Variants in NEDD4L observed in about 807,000 individuals in gnomAD.
NEDD4L encodes E3 ubiquitin-protein ligase NEDD4-like.
Under a neutral mutation model 148.9 loss-of-function variants are expected in NEDD4L, and 54 were observed. The ratio of observed to expected loss-of-function variants is 0.36; its 90% CI spans 0.29 to 0.45. The LOEUF is 0.45. Among genes scored for constraint, NEDD4L ranks in the 20% least tolerant of loss-of-function variants. The pLI, the probability that NEDD4L is intolerant of heterozygous loss-of-function variation, is 1.00. For synonymous variants in NEDD4L, 433 were observed against 440.7 expected, an observed-to-expected ratio of 0.98 and a Z score of 0.22; for missense variants, 856 against 1,233.8, an observed-to-expected ratio of 0.69 and a Z score of 4.59.
intron 24 of NEDD4L, among the ~76,000 whole-genome samples, chr18:58,376,883 C>T (rs2047633811): frequency 1.3e-5 from 2 of 152,216 alleles, no homozygotes; most frequent in Non-Finnish European, 2.9e-5. Context: ...AAGCCCCTTC[C>T]TGCCTCAGGC....
chr18:58,077,710 C>T (rs982427493), intron 1 of NEDD4L, among the ~76,000 whole-genome samples: 3 of 152,158 alleles, frequency 2.0e-5, no homozygotes, highest in Non-Finnish European at 2.9e-5. Context: ...GAGCGCTTCC[C>T]GATTACTTCA....
intron 2 of NEDD4L, among the ~76,000 whole-genome samples, chr18:58,186,947 A>G (rs1445614334): frequency 6.6e-6 from 1 of 152,236 alleles, no homozygotes; most frequent in Non-Finnish European, 1.5e-5. Context: ...TGATCATTTA[A>G]TTAAGAATCT....
intron 1 of NEDD4L, among the ~76,000 whole-genome samples, chr18:58,080,946 G>T (rs148063526): frequency 1.5e-4 from 23 of 152,050 alleles, no homozygotes; most frequent in African/African-American, 5.6e-4. Flanking sequence ...TAGAGGGCTG[G>T]GGGGTATGAA....
rs2048528660 is a variant in NEDD4L at position 58,256,192 on chromosome 18, G to A, written c.297+4138G>A. On this transcript the variant is annotated intron_variant, in intron 5 of 30. Transcript: ENST00000400345. This position sits in a 1 kb window ranked among gnomAD's most constrained non-coding sequence, Gnocchi z 5.2. ...GCTCCGGCCCCGTGGACTGCGCGGA[G>A]GAGGCTGCCCCGGGCCTGCGCATCC... The A allele has an allele frequency of 6.6e-6, 8 of 1,218,198 alleles. No homozygotes were observed. Among genetic ancestry groups the A allele is most frequent in the Non-Finnish European group, 8.2e-6 (8 of 979,458 alleles). 75.5% of individuals were successfully genotyped at this position (1,218,198 alleles called of 1,614,324 possible).
intron 2 of NEDD4L, among the ~76,000 whole-genome samples, chr18:58,177,485 C>T (rs961618237): frequency 3.9e-5 from 6 of 152,166 alleles, no homozygotes; most frequent in Admixed American, 6.5e-5. Context: ...TGGCTGCCGG[C>T]GTCCCCACCC....
chr18:58,122,108 C>T (rs762297578), intron 1 of NEDD4L, among the ~76,000 whole-genome samples: 6 of 152,238 alleles, frequency 3.9e-5, no homozygotes, highest in Non-Finnish European at 8.8e-5. Flanking sequence ...CTTTGGCTTA[C>T]AGCTGCCATT....
At chr18:58,076,737 C>T (rs2083180493) in intron 1 of NEDD4L, among the ~76,000 whole-genome samples, 2 of 152,008 alleles carry the variant, frequency 1.3e-5, no homozygotes, top group African/African-American at 4.8e-5. Flanking sequence ...AGTTCCCCCA[C>T]CCCTAATGCT....
At chr18:58,351,767 G>T (rs1299292584) in intron 18 of NEDD4L, among the ~76,000 whole-genome samples, 2 of 152,132 alleles carry the variant, frequency 1.3e-5, no homozygotes, top group African/African-American at 4.8e-5. Flanking sequence ...TCAAATAGAT[G>T]TAAAGTTTCA....
chr18:58,282,020 G>A (rs1254918839), intron 5 of NEDD4L, among the ~76,000 whole-genome samples: 23 of 148,834 alleles, frequency 1.5e-4, no homozygotes, highest in Admixed American at 3.3e-4. Context: ...GTGAGACTCC[G>A]TCTCACAAAA....
intron 27 of NEDD4L, chr18:58,388,267 A>C (rs1485899181): frequency 3.3e-5 from 5 of 152,228 alleles, no homozygotes; most frequent in African/African-American, 1.2e-4. Context: ...TTTCCCATAC[A>C]CTGGCCTTCT....
At chr18:58,055,543 G>A (rs1598957693) in intron 1 of NEDD4L, among the ~76,000 whole-genome samples, 1 of 152,186 alleles carries the variant, frequency 6.6e-6, no homozygotes, top group Admixed American at 6.5e-5. Context: ...CACAAATACT[G>A]ATATAGTGTT....
At chr18:58,274,773 T>C (rs2051619021) in intron 5 of NEDD4L, among the ~76,000 whole-genome samples, 2 of 152,226 alleles carry the variant, frequency 1.3e-5, no homozygotes, top group African/African-American at 4.8e-5. Flanking sequence ...CTTAATTGTC[T>C]TCCTTGTCAA....
intron 24 of NEDD4L, among the ~76,000 whole-genome samples, chr18:58,374,288 G>T (rs1457418820): frequency 1.3e-5 from 2 of 152,170 alleles, no homozygotes; most frequent in Non-Finnish European, 2.9e-5. Flanking sequence ...GGAGAGTTCA[G>T]TCTCTAGTGT....
rs550930515 is a variant in NEDD4L, at chr18:58,385,593, C to T, written c.2487+7C>T. Reference sequence around the variant, plus strand: ...GATGAACGCCTTCTTGGAGGTAAGCCATGCTGGCCAGGGTTCTCTGCCATG... The same window carrying T: ...GATGAACGCCTTCTTGGAGGTAAGCTATGCTGGCCAGGGTTCTCTGCCATG... On this transcript the variant is annotated splice_region_variant and intron_variant, in intron 26 of 30. Transcript: ENST00000400345. 9.9e-6 allele frequency: 16 copies of T among 1,612,446 alleles called. No individual in the cohort carries two copies. The African/African-American group carries it at 1.6e-4, about 16-fold the overall frequency.
intron 1 of NEDD4L, among the ~76,000 whole-genome samples, chr18:58,141,352 T>C (rs1199863481): frequency 6.6e-6 from 1 of 152,208 alleles, no homozygotes; most frequent in Non-Finnish European, 1.5e-5. Flanking sequence ...CAGGCACATA[T>C]GGTTTGTTAG....
chr18:58,073,623 G>A (rs751873862), intron 1 of NEDD4L, among the ~76,000 whole-genome samples: 40 of 152,286 alleles, frequency 2.6e-4, no homozygotes, highest in African/African-American at 6.7e-4. Context: ...AAGGCCACAC[G>A]TTTATTTGAA....
Position 58,391,468 on chromosome 18 carries a change from T to A in NEDD4L, c.2753-19T>A. 1 of 1,552,596 alleles carries A rather than the reference T, an allele frequency of 6.4e-7. No individual in the cohort carries two copies. Among genetic ancestry groups the A allele is most frequent in the South Asian group, 1.2e-5 (1 of 84,450 alleles). On this transcript the variant is annotated intron_variant, in intron 29 of 30. Coordinates refer to ENST00000400345, the MANE Select transcript of NEDD4L (RefSeq NM_001144967.3). ...CTGCCCCAAGCAATCTTAACATTTC[T>A]TTTTCTTTTCTTGTCTAGGTTCCAA...
chr18:58,346,791 G>A (rs920599166), intron 16 of NEDD4L, among the ~76,000 whole-genome samples: 7 of 152,290 alleles, frequency 4.6e-5, no homozygotes, highest in Middle Eastern at 3.4e-3. Context: ...CACTTTATGC[G>A]TTGGATCATT....
At chr18:58,118,618 A>T (rs376095532) in intron 1 of NEDD4L, among the ~76,000 whole-genome samples, 8 of 151,716 alleles carry the variant, frequency 5.3e-5, no homozygotes, top group African/African-American at 1.9e-4. Flanking sequence ...GTTTGTGTGT[A>T]TGTATGTGTC....
Sources: gnomAD v4.1 joint callset for allele counts (sites outside exome capture counted in the v4.1 genomes callset) on GRCh38, gnomAD v4.1.1 for gene constraint, Gnocchi (gnomAD v3.1) non-coding constraint, MANE v1.5 for transcripts, NCBI Gene and HGNC (gene_info 2026-07-23, HGNC 2026-07-21) for gene names.